The following CGNL1 variants were observed in gnomAD, a reference collection of about 807,000 sequenced individuals.
CGNL1 encodes the protein cingulin-like protein 1.
In CGNL1, 132 loss-of-function variants were observed where a neutral mutation model predicts 141.2. That is an observed-to-expected ratio of 0.93 (90% CI 0.81 to 1.08). The LOEUF (loss-of-function observed/expected upper bound fraction) is 1.08, where lower values mean the gene tolerates loss of function less well. CGNL1 is among the 50% of genes least tolerant of loss of function. The pLI, the probability that CGNL1 is intolerant of heterozygous loss-of-function variation, is 0.00. For missense variants in CGNL1, 1,870 were observed against 1,588.6 expected, an observed-to-expected ratio of 1.18 and a Z score of -3.01; for synonymous variants, 690 against 622.1, an observed-to-expected ratio of 1.11 and a Z score of -1.63.
At chr15:57,480,235 G>A (rs1239997471) in intron 8 of CGNL1, among the ~76,000 whole-genome samples, 2 of 152,124 alleles carry the variant, frequency 1.3e-5, no homozygotes, top group Non-Finnish European at 2.9e-5. Context: ...ATGAAAATAT[G>A]CATTGAGGCC....
At chr15:57,449,457 A>G (rs1202096339) in intron 4 of CGNL1, among the ~76,000 whole-genome samples, 2 of 152,204 alleles carry the variant, frequency 1.3e-5, no homozygotes, top group East Asian at 3.9e-4. Flanking sequence ...AAGTGCAGAC[A>G]GTTCCCGTTT....
chr15:57,533,185 C>G (rs549128076), intron 14 of CGNL1, among the ~76,000 whole-genome samples: 2 of 152,290 alleles, frequency 1.3e-5, no homozygotes, highest in African/African-American at 4.8e-5. Context: ...GCTGTGTTCC[C>G]TCCACCCTCC....
chr15:57,451,450 A>G, intron 4 of CGNL1, 50 bp from the exon 5 acceptor site: 1 of 1,334,190 alleles, frequency 7.5e-7, no homozygotes, highest in South Asian at 1.2e-5. Context: ...GATAATTAAA[A>G]TAAAGCACCC....
At chr15:57,484,625 G>A (rs1174426778) in intron 8 of CGNL1, among the ~76,000 whole-genome samples, 1 of 152,012 alleles carries the variant, frequency 6.6e-6, no homozygotes, top group Non-Finnish European at 1.5e-5. Context: ...GTATACATGT[G>A]CCATGGTGGT....
chr15:57,524,935 G>T (rs573536227), intron 12 of CGNL1, among the ~76,000 whole-genome samples, 184 bp downstream of exon 12: 1 of 152,272 alleles, frequency 6.6e-6, no homozygotes, highest in South Asian at 2.1e-4. Context: ...GGACCCACCG[G>T]CGGACTGTGA....
In CGNL1 at chr15:57,399,418, ATATTATTGGTCACAATTTTGGGCTTTG is replaced by A. The variant is rs1180770882; in HGVS notation, c.-16+22873_-16+22899del. Among the ~76,000 whole-genome samples, 7 of 152,064 alleles carry A rather than the reference ATATTATTGGTCACAATTTTGGGCTTTG, an allele frequency of 4.6e-5. No individual in the cohort carries two copies. In the East Asian group the frequency reaches 1.3e-3, roughly 29 times the overall value. The stretch of plus-strand genomic sequence containing the variant: ...ATTGTAGTCCATATTTGAATACTTC[ATATTATTGGTCACAATTTTGGGCTTTG>A]TATTATTGGTCACAATTTTGGTTGA... On this transcript the variant is annotated intron_variant, in intron 1 of 18. Coordinates refer to ENST00000281282, the MANE Select transcript of CGNL1 (RefSeq NM_032866.5).
chr15:57,462,809 G>C (rs1480331868), intron 8 of CGNL1, among the ~76,000 whole-genome samples: 1 of 152,174 alleles, frequency 6.6e-6, no homozygotes, highest in Non-Finnish European at 1.5e-5. Context: ...CTGGGAAATA[G>C]ACTGTTTGGG....
intron 14 of CGNL1, among the ~76,000 whole-genome samples, chr15:57,539,705 C>T (rs2032456883): frequency 6.6e-6 from 1 of 152,244 alleles, no homozygotes. Flanking sequence ...CCTTGCCCTT[C>T]TTGCCTTTTG....
In CGNL1 at chr15:57,481,357, C is replaced by T. The variant is rs570207326; in HGVS notation, c.2403+19465C>T. On this transcript the variant is annotated intron_variant, in intron 8 of 18. Coordinates refer to ENST00000281282, the MANE Select transcript of CGNL1 (RefSeq NM_032866.5). Reference sequence around the variant, plus strand: ...TGCCATCTCGCTTTCCCTCCCATCCCTCCTTGACCCAACTAGTGTACTTCT... The same window carrying T: ...TGCCATCTCGCTTTCCCTCCCATCCTTCCTTGACCCAACTAGTGTACTTCT... Among the ~76,000 whole-genome samples, 8 of 152,218 alleles carry T rather than the reference C, an allele frequency of 5.3e-5. No homozygotes were observed. The South Asian group carries it at 1.7e-3, about 32-fold the overall frequency.
At position 57,517,289 on chromosome 15, in the gene CGNL1, G is replaced by A. The variant is rs190687963; in HGVS notation, c.2610+303G>A. ...GCTTCACACAGGCATCCACCTGAAA[G>A]GGCTGTCTTAACACCACCATTAGAC... On this transcript the variant is annotated intron_variant, in intron 9 of 18. Transcript: ENST00000281282. Among the ~76,000 whole-genome samples the A allele has an allele frequency of 3.7e-3, 556 of 152,286 alleles. 4 individuals are homozygous for A. The highest frequency in any genetic ancestry group is 8.4e-3 in the Admixed American group (129 of 15,300).
chr15:57,420,810 G>A (rs1320990920), intron 1 of CGNL1, among the ~76,000 whole-genome samples: 1 of 152,202 alleles, frequency 6.6e-6, no homozygotes, highest in Non-Finnish European at 1.5e-5. Flanking sequence ...TCAGCCATTA[G>A]GGAACTAAGT....
At chr15:57,506,815 A>T (rs963246446) in intron 8 of CGNL1, among the ~76,000 whole-genome samples, 1 of 152,220 alleles carries the variant, frequency 6.6e-6, no homozygotes, top group African/African-American at 2.4e-5. Context: ...ATAATGTCTC[A>T]ATTCATTTTT....
intron 1 of CGNL1, among the ~76,000 whole-genome samples, chr15:57,435,308 A>G (rs1210126798): frequency 2.0e-5 from 3 of 152,010 alleles, no homozygotes; most frequent in Non-Finnish European, 4.4e-5. Flanking sequence ...ATGGTGTGGT[A>G]TCCACCCTAT....
Position 57,524,660 on chromosome 15 carries a change from G to A in CGNL1, c.2948G>A (p.Arg983His), listed in dbSNP as rs140799969. 26 of 1,614,072 alleles carry A rather than the reference G, an allele frequency of 1.6e-5. No homozygotes were observed. The highest frequency in any genetic ancestry group is 6.7e-5 in the East Asian group (3 of 44,908). The change falls in exon 12 of 19, where the codon CGC (arginine) becomes CAC (histidine). Residue 983 changes from arginine to histidine, a missense_variant. Physicochemically the swap from Arg to His is conservative, Grantham distance 29. Coordinates refer to ENST00000281282, the MANE Select transcript of CGNL1 (RefSeq NM_032866.5). Reference sequence around the variant, plus strand: ...CTGGATGAGTATAAGGAGAAAAACCGCAGGGAGCTCGCAGAAATGCAAAGA... The same window carrying A: ...CTGGATGAGTATAAGGAGAAAAACCACAGGGAGCTCGCAGAAATGCAAAGA... ...NQLDEYKEKN[R>H]RELAEMQRQL...
Position 57,516,996 on chromosome 15 carries a change from G to C in CGNL1, c.2610+10G>C. 4.4e-6 allele frequency: 7 copies of C among 1,608,992 alleles called. No homozygotes were observed. Among genetic ancestry groups the C allele is most frequent in the Non-Finnish European group, 4.2e-6 (5 of 1,178,114 alleles). On this transcript the variant is annotated intron_variant, in intron 9 of 18. Coordinates refer to ENST00000281282, the MANE Select transcript of CGNL1 (RefSeq NM_032866.5). ...GCTGAAGAAGTACGAGGTGAGGCTC[G>C]CTGGGCCCAGGCCCAGCTTTGGCAG...
chr15:57,477,204 G>T (rs1469552914), intron 8 of CGNL1, among the ~76,000 whole-genome samples: 5 of 152,132 alleles, frequency 3.3e-5, no homozygotes, highest in Non-Finnish European at 7.3e-5. Context: ...GCAAATAAAT[G>T]ATAGAGTCCA....
intron 8 of CGNL1, 78 bp downstream of exon 8, chr15:57,461,970 C>A: frequency 1.9e-6 from 2 of 1,027,342 alleles, no homozygotes; most frequent in Non-Finnish European, 3.0e-6. Context: ...ACTGCAAATC[C>A]CCTTCATTCC....
intron 8 of CGNL1, among the ~76,000 whole-genome samples, chr15:57,491,053 G>T (rs1306181816): frequency 6.6e-6 from 1 of 152,086 alleles, no homozygotes; most frequent in African/African-American, 2.4e-5. Flanking sequence ...ATGTGATGGA[G>T]TATCCTGAGT....
At chr15:57,420,233 A>G (rs970365625) in intron 1 of CGNL1, among the ~76,000 whole-genome samples, 9 of 152,198 alleles carry the variant, frequency 5.9e-5, no homozygotes, top group Admixed American at 2.0e-4. Context: ...TGTTGGTATT[A>G]GAGACCAAGA....
Sources: allele counts gnomAD v4.1 joint callset (sites outside exome capture counted in the v4.1 genomes callset), GRCh38; gene constraint gnomAD v4.1.1; transcripts MANE v1.5; gene names NCBI Gene and HGNC (gene_info 2026-07-23, HGNC 2026-07-21).